The following CBFA2T2 variants were observed in gnomAD, a reference collection of about 807,000 sequenced individuals.
The protein encoded by CBFA2T2 is protein CBFA2T2.
Under a neutral mutation model 62.2 loss-of-function variants are expected in CBFA2T2, and 11 were observed. That is an observed-to-expected ratio of 0.18 (90% CI 0.11 to 0.29). The LOEUF is 0.29. CBFA2T2 is among the 10% of genes least tolerant of loss of function. The pLI is 1.00. For synonymous variants in CBFA2T2, 295 were observed against 287.5 expected, an observed-to-expected ratio of 1.03 and a Z score of -0.27; for missense variants, 592 against 774.1, an observed-to-expected ratio of 0.76 and a Z score of 2.79.
Position 33,644,455 on chromosome 20 carries a change from C to T in CBFA2T2, c.1597C>T (p.Leu533Phe), listed in dbSNP as rs2016977690. The change falls in exon 11 of 11, where the codon CTC becomes TTC. Residue 533 changes from leucine to phenylalanine, a missense_variant. Coordinates refer to ENST00000342704, the MANE Select transcript of CBFA2T2 (RefSeq NM_001032999.3). ...CAAGGACTGGGAGCGGCACCACCGC[C>T]TCTGTGGTCAGAACCTGCATGGCCA... The part of the protein sequence containing the change: ...QHKDWERHHR[L>F]CGQNLHGQSP... 2.5e-6 allele frequency: 4 copies of T among 1,614,262 alleles called. No individual in the cohort carries two copies. Among genetic ancestry groups the T allele is most frequent in the Non-Finnish European group, 3.4e-6 (4 of 1,180,048 alleles).
intron 9 of CBFA2T2, among the ~76,000 whole-genome samples, chr20:33,637,966 CTTTTTTTTTTTTT>C (rs67124335): frequency 4.5e-5 from 3 of 66,790 alleles, no homozygotes; most frequent in African/African-American, 8.5e-5. Context: ...TGCACCCGGC[CTTTTTTTTTTTTT>C]TTTTTTTTTT....
intron 1 of CBFA2T2, among the ~76,000 whole-genome samples, chr20:33,535,862 G>C (rs2012201364): frequency 1.3e-5 from 2 of 151,910 alleles, no homozygotes; most frequent in Non-Finnish European, 2.9e-5. Flanking sequence ...TTAGGGAGTG[G>C]TGATGATTCT....
intron 1 of CBFA2T2, among the ~76,000 whole-genome samples, chr20:33,600,182 G>GTTTTTTTTTTTTTTT (rs1183371343): frequency 1.6e-5 from 1 of 62,066 alleles, no homozygotes; most frequent in African/African-American, 6.5e-5. Flanking sequence ...CTTTTGGAAA[G>GTTTTTTTTTTTTTTT]TTTTTTTTTT....
intron 1 of CBFA2T2, among the ~76,000 whole-genome samples, chr20:33,591,929 A>G (rs1201416931): frequency 2.0e-5 from 3 of 152,170 alleles, no homozygotes; most frequent in Admixed American, 6.5e-5. Context: ...AAAACGCTCC[A>G]GAATCTCTAG....
chr20:33,581,751 T>C, intron 1 of CBFA2T2, among the ~76,000 whole-genome samples: 1 of 152,224 alleles, frequency 6.6e-6, no homozygotes, highest in East Asian at 1.9e-4. Flanking sequence ...ATCTGTTCCC[T>C]ATTCTCAAAC....
At chr20:33,553,625 A>G (rs2012802949) in intron 1 of CBFA2T2, among the ~76,000 whole-genome samples, 1 of 152,214 alleles carries the variant, frequency 6.6e-6, no homozygotes, top group Admixed American at 6.5e-5. Flanking sequence ...GCGGCAGGAA[A>G]GCAGCCATAG....
chr20:33,608,183 C>G (rs1366267164), intron 2 of CBFA2T2, among the ~76,000 whole-genome samples: 2 of 152,210 alleles, frequency 1.3e-5, no homozygotes, highest in African/African-American at 2.4e-5. Flanking sequence ...TACATACATG[C>G]ACACAAGTGT....
At chr20:33,530,424 TTTG>T (rs1002888755) in intron 1 of CBFA2T2, among the ~76,000 whole-genome samples, 2 of 151,544 alleles carry the variant, frequency 1.3e-5, no homozygotes, top group Admixed American at 1.3e-4. Context: ...ATGCCCATTG[TTTG>T]TTTTTTTTGA....
At chr20:33,493,076 T>TG (rs2011161010) in intron 1 of CBFA2T2, among the ~76,000 whole-genome samples, 1 of 144,060 alleles carries the variant, frequency 6.9e-6, no homozygotes, top group East Asian at 2.0e-4. Flanking sequence ...TGGTTTTTTT[T>TG]TTTTTTTTTT....
At position 33,623,265 on chromosome 20, in the gene CBFA2T2, C is replaced by T; in HGVS notation, c.661C>T (p.His221Tyr). ...CTCGTCAGAGTTGCTCATGGAGGTG[C>T]ACGGAAATGGGAAGAGGCCCAGTCC... is the stretch of plus-strand genomic sequence containing the variant. ...ADSSELLMEV[H>Y]GNGKRPSPER... The change falls in exon 5 of 11, where the codon CAC (histidine) becomes TAC (tyrosine). Residue 221 changes from histidine to tyrosine, a missense_variant. By Grantham distance (83) the His-to-Tyr change is moderately conservative. Transcript: ENST00000342704. 1 of 1,614,226 alleles carries T rather than the reference C, an allele frequency of 6.2e-7. No individual in the cohort carries two copies. The highest frequency in any genetic ancestry group is 8.5e-7 in the Non-Finnish European group (1 of 1,180,048).
chr20:33,546,074 T>G (rs1276406028), intron 1 of CBFA2T2, among the ~76,000 whole-genome samples: 1 of 152,230 alleles, frequency 6.6e-6, no homozygotes, highest in African/African-American at 2.4e-5. Context: ...TAATAGTTGA[T>G]GATAATAATG....
At chr20:33,609,804 C>T (rs1342687119) in intron 2 of CBFA2T2, among the ~76,000 whole-genome samples, 1 of 152,116 alleles carries the variant, frequency 6.6e-6, no homozygotes, top group Non-Finnish European at 1.5e-5. Context: ...GACTAAATGT[C>T]TTTTTTCTAA....
intron 1 of CBFA2T2, among the ~76,000 whole-genome samples, chr20:33,513,535 T>C (rs1161844509): frequency 6.6e-6 from 1 of 151,810 alleles, no homozygotes; most frequent in Non-Finnish European, 1.5e-5. Context: ...CTAATTTTTG[T>C]ATTTTTTAGT....
At position 33,611,209 on chromosome 20, in the gene CBFA2T2, G is replaced by A. The variant is rs372974430; in HGVS notation, c.294G>A (p.Leu98=). The A allele has an allele frequency of 4.6e-5, 74 of 1,614,018 alleles. No homozygotes were observed. Among genetic ancestry groups the A allele is most frequent in the Non-Finnish European group, 6.1e-5 (72 of 1,180,034 alleles). ...CATCTGCACTCACAAATCAGCAATT[G>A]CCAGCCACTTGTGGTGCTCGACAAC... ...STSSALTNQQ[L]PATCGARQLS... is the part of the protein sequence containing the mutation. Residue 98 remains leucine, a synonymous_variant, in exon 3 of 11, where the codon TTG becomes TTA. Transcript: ENST00000342704.
intron 4 of CBFA2T2, among the ~76,000 whole-genome samples, chr20:33,620,069 G>A (rs1383756475): frequency 6.6e-6 from 1 of 152,162 alleles, no homozygotes; most frequent in Non-Finnish European, 1.5e-5. Context: ...CCGAACCCCA[G>A]ATAGTCTAGT....
chr20:33,531,289 C>T (rs1198029993), intron 1 of CBFA2T2, among the ~76,000 whole-genome samples: 2 of 152,104 alleles, frequency 1.3e-5, no homozygotes, highest in African/African-American at 4.8e-5. Context: ...TTGATCTAGA[C>T]CACAGTTTCA....
intron 1 of CBFA2T2, among the ~76,000 whole-genome samples, chr20:33,601,054 G>T (rs1257266551): frequency 6.6e-6 from 1 of 150,464 alleles, no homozygotes; most frequent in Non-Finnish European, 1.5e-5. Context: ...ATTATAATTT[G>T]TATGTGGTGT....
chr20:33,511,251 G>A (rs1032467959), intron 1 of CBFA2T2, among the ~76,000 whole-genome samples: 4 of 152,250 alleles, frequency 2.6e-5, no homozygotes, highest in African/African-American at 9.6e-5. Context: ...TTTTCTTCTA[G>A]GGTTTTTATG....
intron 2 of CBFA2T2, among the ~76,000 whole-genome samples, chr20:33,608,236 C>T (rs146935632): frequency 1.2e-3 from 182 of 152,268 alleles, no homozygotes; most frequent in African/African-American, 4.1e-3. Context: ...CACATGCTGC[C>T]GTCCCCAGTT....
Sources: gnomAD v4.1 joint callset for allele counts (sites outside exome capture counted in the v4.1 genomes callset) on GRCh38, gnomAD v4.1.1 for gene constraint, MANE v1.5 for transcripts, NCBI Gene and HGNC (gene_info 2026-07-23, HGNC 2026-07-21) for gene names.